The following KIF26B variants were observed in gnomAD, a reference collection of about 807,000 sequenced individuals.
KIF26B encodes kinesin family member 26B.
A neutral mutation model predicts 151.2 loss-of-function variants in KIF26B; 63 were observed. The ratio of observed to expected loss-of-function variants is 0.42; its 90% CI spans 0.34 to 0.51. The LOEUF is 0.51. Ranked by LOEUF, KIF26B falls within the 20% of genes least tolerant of loss-of-function variation. The pLI is 0.07. For missense variants in KIF26B, 2,813 were observed against 2,913.6 expected, an observed-to-expected ratio of 0.97 and a Z score of 0.79; for synonymous variants, 1,357 against 1,262.1, an observed-to-expected ratio of 1.08 and a Z score of -1.59.
chr1:245,266,963 A>T (rs1670757463), intron 2 of KIF26B, among the ~76,000 whole-genome samples: 1 of 152,180 alleles, frequency 6.6e-6, no homozygotes, highest in Admixed American at 6.5e-5. Context: ...ACTGAAGGGC[A>T]GGCCCCCTGT....
intron 3 of KIF26B, among the ~76,000 whole-genome samples, chr1:245,386,553 C>T (rs925080956): frequency 6.6e-6 from 1 of 150,930 alleles, no homozygotes; most frequent in African/African-American, 2.5e-5. Context: ...ACCCACCATA[C>T]AGGATGTGTT....
At chr1:245,435,958 C>A (rs1558164928) in intron 4 of KIF26B, among the ~76,000 whole-genome samples, 1 of 152,136 alleles carries the variant, frequency 6.6e-6, no homozygotes, top group Non-Finnish European at 1.5e-5. Context: ...GTGGGTGGAT[C>A]ACGAGGTCAG....
At chr1:245,584,990 C>T (rs2043210170) in intron 5 of KIF26B, among the ~76,000 whole-genome samples, 1 of 152,198 alleles carries the variant, frequency 6.6e-6, no homozygotes, top group African/African-American at 2.4e-5. Context: ...ATAACATTCA[C>T]CTCCACTGTG....
intron 10 of KIF26B, among the ~76,000 whole-genome samples, chr1:245,669,717 G>A (rs1040852503): frequency 3.3e-5 from 5 of 152,208 alleles, no homozygotes; most frequent in Non-Finnish European, 5.9e-5. Context: ...GTCCGTGTGC[G>A]TTGCTGGTGG....
In KIF26B at chr1:245,704,429, C is replaced by A. The variant is rs527296011; in HGVS notation, c.*1823C>A. ...ATGACCTGATCCTTTGTTATCAGAACAGGGTTCAGGTGGCCCTGTTGGCTC... is the reference window on the plus strand; with the variant it reads ...ATGACCTGATCCTTTGTTATCAGAAAAGGGTTCAGGTGGCCCTGTTGGCTC... On this transcript the variant is annotated 3_prime_UTR_variant, in exon 15 of 15. Transcript: ENST00000407071. 4 of 152,352 alleles carry A rather than the reference C, an allele frequency of 2.6e-5. No individual in the cohort carries two copies. Among genetic ancestry groups the A allele is most frequent in the African/African-American group, 7.2e-5 (3 of 41,576 alleles). The allele number at this position is 152,352 out of a possible 1,614,324, so 9.4% of individuals were successfully genotyped here. A position where few individuals can be genotyped will look rare whatever the true frequency, so the allele number is the denominator to read the frequency against.
At chr1:245,551,734 G>T (rs1299799179) in intron 5 of KIF26B, among the ~76,000 whole-genome samples, 4 of 152,146 alleles carry the variant, frequency 2.6e-5, no homozygotes, top group Non-Finnish European at 4.4e-5. Context: ...CTTGTCTGGA[G>T]GCTCCCAGGG....
At chr1:245,654,876 G>A (rs556735567) in intron 10 of KIF26B, among the ~76,000 whole-genome samples, 80 of 152,372 alleles carry the variant, frequency 5.3e-4, no homozygotes, top group African/African-American at 1.8e-3. Context: ...GAAAGGTAAG[G>A]AAGAGATAAG....
chr1:245,231,589 G>A (rs1669999240), intron 2 of KIF26B, among the ~76,000 whole-genome samples: 1 of 152,116 alleles, frequency 6.6e-6, no homozygotes. Flanking sequence ...CATACTGAAA[G>A]TTTCTACATG....
intron 2 of KIF26B, among the ~76,000 whole-genome samples, chr1:245,345,799 G>T (rs886173772): frequency 2.6e-5 from 4 of 152,006 alleles, no homozygotes; most frequent in African/African-American, 9.7e-5. Context: ...CTTCTGCCGC[G>T]ATTGGAAGCT....
chr1:245,511,859 C>T (rs1660844977), intron 4 of KIF26B, among the ~76,000 whole-genome samples: 1 of 152,034 alleles, frequency 6.6e-6, no homozygotes, highest in African/African-American at 2.4e-5. Flanking sequence ...CACTTGAAGA[C>T]CAAAATCAGT....
intron 3 of KIF26B, among the ~76,000 whole-genome samples, chr1:245,418,982 T>C (rs1658396473): frequency 6.6e-6 from 1 of 152,220 alleles, no homozygotes; most frequent in Admixed American, 6.5e-5. Flanking sequence ...AAATGAAGTC[T>C]GTTGAAATGA....
At chr1:245,209,333 G>A (rs1450138235) in intron 2 of KIF26B, among the ~76,000 whole-genome samples, 26 of 152,000 alleles carry the variant, frequency 1.7e-4, no homozygotes, top group African/African-American at 6.0e-4. Flanking sequence ...CCCGGGAGGC[G>A]GAGGTTGCAG....
intron 2 of KIF26B, among the ~76,000 whole-genome samples, chr1:245,256,558 C>T (rs1178086674): frequency 6.6e-6 from 1 of 152,148 alleles, no homozygotes; most frequent in Non-Finnish European, 1.5e-5. Flanking sequence ...TTGTAAGACC[C>T]AGGTGGGTAT....
rs568924160 is a variant in KIF26B, at chr1:245,489,706, G to A, written c.1167-51061G>A. ...GAGAAGGCAGAAGTAAACTTGCTGGGTAGAAGGCGTCATGGTATCATGTGA... is the reference window on the plus strand; with the variant it reads ...GAGAAGGCAGAAGTAAACTTGCTGGATAGAAGGCGTCATGGTATCATGTGA... On this transcript the variant is annotated intron_variant, in intron 4 of 14. Transcript: ENST00000407071. 3.3e-5 allele frequency among the ~76,000 whole-genome samples: 5 copies of A among 152,330 alleles called. No individual in the cohort carries two copies. The South Asian group carries it at 1.0e-3, about 32-fold the overall frequency.
chr1:245,527,901 T>C (rs1266253719), intron 4 of KIF26B, among the ~76,000 whole-genome samples: 2 of 152,028 alleles, frequency 1.3e-5, no homozygotes, highest in African/African-American at 4.8e-5. Context: ...TTTTAATTTA[T>C]GTATTAAGCC....
intron 9 of KIF26B, among the ~76,000 whole-genome samples, chr1:245,623,521 G>T (rs2043687832): frequency 6.6e-6 from 1 of 151,970 alleles, no homozygotes; most frequent in African/African-American, 2.4e-5. Flanking sequence ...TCCAGTTTGG[G>T]GATATTACAA....
intron 2 of KIF26B, among the ~76,000 whole-genome samples, chr1:245,228,099 C>G (rs900083831): frequency 5.9e-5 from 9 of 152,180 alleles, no homozygotes; most frequent in African/African-American, 2.2e-4. Context: ...TTAATAGGGT[C>G]CCACGCATGC....
intron 2 of KIF26B, among the ~76,000 whole-genome samples, chr1:245,187,905 G>T (rs1183321569): frequency 6.6e-6 from 1 of 152,136 alleles, no homozygotes. Flanking sequence ...TGTGGTTGAG[G>T]ATTATTTTTC....
chr1:245,198,270 C>G (rs1372047637), intron 2 of KIF26B, among the ~76,000 whole-genome samples: 1 of 152,246 alleles, frequency 6.6e-6, no homozygotes. Context: ...CAGATCAGTA[C>G]TTACTATGCT....
Sources: allele counts gnomAD v4.1 joint callset (sites outside exome capture counted in the v4.1 genomes callset), GRCh38; gene constraint gnomAD v4.1.1; transcripts MANE v1.5; gene names NCBI Gene and HGNC (gene_info 2026-07-23, HGNC 2026-07-21).